SMAD3: variants seen among roughly 807,000 people sequenced by gnomAD.
SMAD3 encodes SMAD family member 3, also known as MAD homolog 3.
In SMAD3, 12 loss-of-function variants were observed where a neutral mutation model predicts 51.8. The observed-to-expected ratio is 0.23, with a 90% CI of 0.15 to 0.38. The LOEUF (loss-of-function observed/expected upper bound fraction) is 0.38, where lower values mean the gene tolerates loss of function less well. SMAD3 is among the 10% of genes least tolerant of loss of function. The pLI is 1.00. For synonymous variants in SMAD3, 238 were observed against 227.7 expected, an observed-to-expected ratio of 1.05 and a Z score of -0.41; for missense variants, 294 against 565.6, an observed-to-expected ratio of 0.52 and a Z score of 4.87.
At chr15:67,129,078 C>A (rs553279521) in intron 1 of SMAD3, among the ~76,000 whole-genome samples, 3 of 152,154 alleles carry the variant, frequency 2.0e-5, no homozygotes, top group Non-Finnish European at 4.4e-5. Context: ...TGACTCCAAT[C>A]CTAGATGCCT....
chr15:67,116,145 A>G (rs1442111189), intron 1 of SMAD3, among the ~76,000 whole-genome samples: 1 of 152,216 alleles, frequency 6.6e-6, no homozygotes, highest in African/African-American at 2.4e-5. Flanking sequence ...TGCCTTGTGC[A>G]TCCTTGGGTG....
rs139936857 is a variant in SMAD3, at chr15:67,185,227, C to T, written c.1009+363C>T. 1.2e-3 allele frequency among the ~76,000 whole-genome samples: 178 copies of T among 152,310 alleles called. 1 individual carries two copies. The Middle Eastern group carries it at 0.02, about 17-fold the overall frequency. On this transcript the variant is annotated intron_variant, in intron 7 of 8. Transcript: ENST00000327367. The stretch of plus-strand genomic sequence containing the variant: ...AAGAGGTAGATGCGGCCCTGCTCTG[C>T]CCCCGCAGACCTTACAGGCCTGCAG...
intron 1 of SMAD3, among the ~76,000 whole-genome samples, chr15:67,162,369 C>G (rs1180069132): frequency 6.6e-6 from 1 of 152,134 alleles, no homozygotes; most frequent in Non-Finnish European, 1.5e-5. Flanking sequence ...GGATGGGCCT[C>G]CTTGAAGAAA....
chr15:67,083,417 C>T (rs762909375), intron 1 of SMAD3, among the ~76,000 whole-genome samples: 3 of 152,150 alleles, frequency 2.0e-5, no homozygotes, highest in South Asian at 2.1e-4. Context: ...AAGTGGTTAC[C>T]GTTAGGAGGA....
At chr15:67,119,272 T>C (rs1316504078) in intron 1 of SMAD3, among the ~76,000 whole-genome samples, 1 of 152,234 alleles carries the variant, frequency 6.6e-6, no homozygotes, top group Admixed American at 6.5e-5. Context: ...TGGTAAGGCC[T>C]GAAAACCATG....
At chr15:67,074,891 C>T (rs1276766372) in intron 1 of SMAD3, among the ~76,000 whole-genome samples, 1 of 152,070 alleles carries the variant, frequency 6.6e-6, no homozygotes, top group Non-Finnish European at 1.5e-5. Flanking sequence ...GGTAGGACTC[C>T]AGTATTAAGA....
chr15:67,154,191 G>T (rs1335480482), intron 1 of SMAD3, among the ~76,000 whole-genome samples: 2 of 152,200 alleles, frequency 1.3e-5, no homozygotes, highest in African/African-American at 2.4e-5. Context: ...TGAAGAAGAG[G>T]CCAGCTGCTG....
chr15:67,088,541 T>C lies in SMAD3; in HGVS notation c.206+22181T>C, dbSNP rs77745240. ...GTAGCGAGGGAAACACAGTGGTGTT[T>C]GGCTGCTGCTTCACACCACTTTTAA... is the stretch of plus-strand genomic sequence containing the variant. On this transcript the variant is annotated intron_variant, in intron 1 of 8. Coordinates refer to ENST00000327367, the MANE Select transcript of SMAD3 (RefSeq NM_005902.4). Among the ~76,000 whole-genome samples the C allele has an allele frequency of 3.3e-3, 501 of 152,318 alleles. 3 individuals are homozygous for C. Among genetic ancestry groups the C allele is most frequent in the African/African-American group, 0.011 (473 of 41,572 alleles).
rs959837459 is a variant in SMAD3, at chr15:67,194,360, T to G, written c.*3824T>G. The G allele has an allele frequency of 8.6e-6, 2 of 233,070 alleles. No homozygotes were observed. The highest frequency in any genetic ancestry group is 5.6e-5 in the Admixed American group (1 of 17,762). 14.4% of individuals were successfully genotyped at this position (233,070 alleles called of 1,614,324 possible). On this transcript the variant is annotated 3_prime_UTR_variant, in exon 9 of 9. Coordinates refer to ENST00000327367, the MANE Select transcript of SMAD3 (RefSeq NM_005902.4). ...AGAGGACATGGATCCAAAATGATGA[T>G]GAAGCATCTCCCATGGGGAGGTGAT...
intron 1 of SMAD3, among the ~76,000 whole-genome samples, chr15:67,081,717 A>G (rs1960283449): frequency 6.6e-6 from 1 of 152,080 alleles, no homozygotes; most frequent in Admixed American, 6.5e-5. Context: ...CGTTGCATCC[A>G]AGGGCAGAAA....
At chr15:67,139,807 G>A (rs142726152) in intron 1 of SMAD3, among the ~76,000 whole-genome samples, 1 of 152,326 alleles carries the variant, frequency 6.6e-6, no homozygotes, top group East Asian at 1.9e-4. Context: ...GGCATGGGTG[G>A]AAGCTGTGCT....
In SMAD3 at chr15:67,146,510, A is replaced by G. The variant is rs1961977656; in HGVS notation, c.207-18385A>G. Among the ~76,000 whole-genome samples the G allele has an allele frequency of 1.3e-5, 2 of 152,146 alleles. 1 individual carries two copies. The highest frequency in any genetic ancestry group is 1.3e-4 in the Admixed American group (2 of 15,260). ...CTGGAGGGGGCTGTTCCATGGCACCAGGGTTGAGTGGGAGTCAGTGCAGAC... is the reference window on the plus strand; with the variant it reads ...CTGGAGGGGGCTGTTCCATGGCACCGGGGTTGAGTGGGAGTCAGTGCAGAC... On this transcript the variant is annotated intron_variant, in intron 1 of 8. Coordinates refer to ENST00000327367, the MANE Select transcript of SMAD3 (RefSeq NM_005902.4).
chr15:67,120,763 T>C (rs1665209885), intron 1 of SMAD3, among the ~76,000 whole-genome samples: 1 of 152,212 alleles, frequency 6.6e-6, no homozygotes, highest in South Asian at 2.1e-4. Context: ...AGCAAGCTTG[T>C]CCACCCTCTG....
chr15:67,069,660 A>T (rs1960007502), intron 1 of SMAD3, among the ~76,000 whole-genome samples: 1 of 151,956 alleles, frequency 6.6e-6, no homozygotes, highest in African/African-American at 2.4e-5. Flanking sequence ...TGGAGAATTG[A>T]AGCAAACACT....
intron 1 of SMAD3, among the ~76,000 whole-genome samples, chr15:67,086,754 A>C (rs571375610): frequency 6.4e-4 from 98 of 152,256 alleles, no homozygotes; most frequent in Admixed American, 1.2e-3. Flanking sequence ...AGCAGTGAAG[A>C]CCTTCTATGT....
chr15:67,070,003 C>T (rs192059882), intron 1 of SMAD3, among the ~76,000 whole-genome samples: 9 of 152,174 alleles, frequency 5.9e-5, no homozygotes, highest in Admixed American at 2.0e-4. Context: ...CGCGCCTCAC[C>T]GAATCTGATC....
intron 8 of SMAD3, among the ~76,000 whole-genome samples, chr15:67,189,293 G>A (rs1258652926): frequency 6.6e-6 from 1 of 152,168 alleles, no homozygotes. Flanking sequence ...TCTGTCTGCA[G>A]GCCCATTTCT....
chr15:67,066,850 TGGG>T (rs1959934162), intron 1 of SMAD3, among the ~76,000 whole-genome samples: 1 of 152,268 alleles, frequency 6.6e-6, no homozygotes, highest in Non-Finnish European at 1.5e-5. Flanking sequence ...TCCGTACAGC[TGGG>T]GCTGTGGGTG....
In SMAD3 at chr15:67,192,806, G is replaced by A. The variant is rs915223832; in HGVS notation, c.*2270G>A. On this transcript the variant is annotated 3_prime_UTR_variant, in exon 9 of 9. Coordinates refer to ENST00000327367, the MANE Select transcript of SMAD3 (RefSeq NM_005902.4). ...CTTTGGCAGGTTATGAACTTTGAAT[G>A]TGATGAAATGACACGTTTGGCTGCA... 8.6e-6 allele frequency: 2 copies of A among 233,246 alleles called. No individual in the cohort carries two copies. The highest frequency in any genetic ancestry group is 1.7e-5 in the Non-Finnish European group (2 of 118,018). 14.4% of individuals were successfully genotyped at this position (233,246 alleles called of 1,614,324 possible). A position where few individuals can be genotyped will look rare whatever the true frequency, so the allele number is the denominator to read the frequency against.
Sources: gnomAD v4.1 joint callset for allele counts (sites outside exome capture counted in the v4.1 genomes callset) on GRCh38, gnomAD v4.1.1 for gene constraint, MANE v1.5 for transcripts, NCBI Gene and HGNC (gene_info 2026-07-23, HGNC 2026-07-21) for gene names.